The following KAZN variants were observed in gnomAD, a reference collection of about 807,000 sequenced individuals.
The protein encoded by KAZN is kazrin, periplakin interacting protein.
A neutral mutation model predicts 87.4 loss-of-function variants in KAZN; 40 were observed. The observed-to-expected ratio is 0.46, with a 90% confidence interval of 0.36 to 0.60. The LOEUF (loss-of-function observed/expected upper bound fraction) is 0.60, where lower values mean the gene tolerates loss of function less well. KAZN is among the 20% of genes least tolerant of loss of function. KAZN has a pLI of 0.00. For missense variants in KAZN, 898 were observed against 1,073.9 expected, an observed-to-expected ratio of 0.84 and a Z score of 2.29; for synonymous variants, 466 against 458.3, an observed-to-expected ratio of 1.02 and a Z score of -0.22.
intron 2 of KAZN, among the ~76,000 whole-genome samples, chr1:14,325,767 G>A (rs1054615516): frequency 3.9e-5 from 6 of 152,172 alleles, no homozygotes; most frequent in Non-Finnish European, 1.5e-5. Flanking sequence ...GGAAAAATGA[G>A]CAAAGCCTAA....
chr1:14,493,285 T>C (rs771828647), intron 2 of KAZN, among the ~76,000 whole-genome samples: 3 of 152,184 alleles, frequency 2.0e-5, no homozygotes, highest in Admixed American at 1.3e-4. Context: ...CAACACAAAG[T>C]AGATACTCAA....
At chr1:14,536,871 A>G (rs749322816) in intron 2 of KAZN, among the ~76,000 whole-genome samples, 17 of 151,928 alleles carry the variant, frequency 1.1e-4, no homozygotes, top group Non-Finnish European at 2.2e-4. Flanking sequence ...GACACAAGCG[A>G]AACTCCGTCT....
At chr1:14,676,579 A>C (rs978112844) in intron 1 of KAZN, among the ~76,000 whole-genome samples, 1 of 152,230 alleles carries the variant, frequency 6.6e-6, no homozygotes, top group African/African-American at 2.4e-5. Context: ...GGGTAAACAG[A>C]ATGTGGTATA....
chr1:14,570,014 G>T (rs138650572), intron 2 of KAZN, among the ~76,000 whole-genome samples: 12 of 152,138 alleles, frequency 7.9e-5, no homozygotes, highest in African/African-American at 2.4e-4. Flanking sequence ...TTGGGAGGCC[G>T]CGGCAGGAGA....
chr1:14,994,868 G>A (rs1430316053), intron 2 of KAZN, among the ~76,000 whole-genome samples: 3 of 152,254 alleles, frequency 2.0e-5, no homozygotes, highest in African/African-American at 7.2e-5. Flanking sequence ...CAGTTCCTCT[G>A]GAGAGAAGTA....
chr1:14,330,762 G>A (rs1418103220), intron 2 of KAZN, among the ~76,000 whole-genome samples: 1 of 152,064 alleles, frequency 6.6e-6, no homozygotes, highest in Non-Finnish European at 1.5e-5. Context: ...ATGCGTGGGG[G>A]GTTGGTTATA....
intron 2 of KAZN, among the ~76,000 whole-genome samples, chr1:14,307,087 G>A (rs1056518826): frequency 6.6e-6 from 1 of 152,144 alleles, no homozygotes; most frequent in Non-Finnish European, 1.5e-5. Context: ...AGAGTACACA[G>A]AGGGGGATTT....
chr1:14,562,062 T>C (rs2148529538), intron 2 of KAZN, among the ~76,000 whole-genome samples: 1 of 152,234 alleles, frequency 6.6e-6, no homozygotes, highest in South Asian at 2.1e-4. Flanking sequence ...CAGAATTACT[T>C]ACCAGGCAAG....
In KAZN at chr1:14,274,640, G is replaced by C. The variant is rs549822888; in HGVS notation, c.249+94048G>C. ...GGACAAGGCTCTGAAACACTGGTTT[G>C]GTGACTGAAAGTTGACCCTTAGCCA... On this transcript the variant is annotated intron_variant, in intron 2 of 16. Transcript: ENST00000636203. Among the ~76,000 whole-genome samples the C allele has an allele frequency of 5.3e-5, 8 of 152,242 alleles. No homozygotes were observed. The East Asian group carries it at 1.5e-3, about 29-fold the overall frequency.
intron 2 of KAZN, among the ~76,000 whole-genome samples, chr1:14,971,673 TTC>T (rs1394777338): frequency 9.8e-4 from 144 of 146,436 alleles, no homozygotes; most frequent in African/African-American, 3.6e-3. Context: ...TTTTTTTTTT[TTC>T]TTTTTCTTTT....
rs550251781 is a variant in KAZN, at chr1:14,388,124, C to G, written c.249+207532C>G. On this transcript the variant is annotated intron_variant, in intron 2 of 16. Coordinates refer to the KAZN transcript ENST00000636203. The stretch of plus-strand genomic sequence containing the variant: ...TTCTTTGACTAGGAAAGGGAACTCC[C>G]TGATCCCTTGCGCTTCCCGAGTGAG... Among the ~76,000 whole-genome samples the G allele has an allele frequency of 2.7e-3, 418 of 152,304 alleles. 1 individual carries two copies. The highest frequency in any genetic ancestry group is 9.1e-3 in the African/African-American group (377 of 41,536).
chr1:14,921,475 T>C (rs1330645556), intron 1 of KAZN, among the ~76,000 whole-genome samples: 1 of 152,196 alleles, frequency 6.6e-6, no homozygotes, highest in Non-Finnish European at 1.5e-5. Flanking sequence ...TTAGATTTCA[T>C]GTAAAAATCC....
At chr1:14,180,734 G>C (rs959119816) in intron 2 of KAZN, 1 of 631,772 alleles carries the variant, frequency 1.6e-6, no homozygotes, top group South Asian at 2.7e-5. Flanking sequence ...GTTGAGTATT[G>C]GATTTCTGAT....
Position 15,114,580 on chromosome 1 carries a change from G to A in KAZN, c.2273G>A (p.Arg758Lys), listed in dbSNP as rs1641773532. Residue 758 changes from arginine to lysine, a missense_variant, in exon 15 of 15, where the codon AGG (arginine) becomes AAG (lysine). By Grantham distance (26) the Arg-to-Lys change is conservative (BLOSUM62 2). Transcript: ENST00000376030. ...EDCGDDDPQS[R>K]LEQCRLEGYN... ...TGCGGAGACGATGACCCCCAGAGCAGGCTGGAACAGTGCCGTCTGGAAGGC... is the reference window on the plus strand; with the variant it reads ...TGCGGAGACGATGACCCCCAGAGCAAGCTGGAACAGTGCCGTCTGGAAGGC... 6.2e-7 allele frequency: 1 copy of A among 1,604,454 alleles called. No homozygotes were observed. The highest frequency in any genetic ancestry group is 8.5e-7 in the Non-Finnish European group (1 of 1,175,354).
intron 2 of KAZN, among the ~76,000 whole-genome samples, chr1:14,241,711 C>T (rs574793666): frequency 6.6e-6 from 1 of 152,264 alleles, no homozygotes; most frequent in Admixed American, 6.5e-5. Flanking sequence ...CAAAGAGGTA[C>T]TTGAGCAAGA....
At chr1:14,155,959 A>G (rs1645584433) in intron 1 of KAZN, among the ~76,000 whole-genome samples, 1 of 151,910 alleles carries the variant, frequency 6.6e-6, no homozygotes, top group Non-Finnish European at 1.5e-5. Context: ...TTCTCTTTTG[A>G]TGTTGGCACT....
At chr1:14,152,991 T>A (rs1278672467) in intron 1 of KAZN, among the ~76,000 whole-genome samples, 1 of 152,342 alleles carries the variant, frequency 6.6e-6, no homozygotes, top group Non-Finnish European at 1.5e-5. Flanking sequence ...TAAGTTTTTT[T>A]AATTGAGAAA....
chr1:14,695,894 T>C (rs1049217137), intron 1 of KAZN, among the ~76,000 whole-genome samples: 12 of 152,280 alleles, frequency 7.9e-5, no homozygotes, highest in South Asian at 6.2e-4. Flanking sequence ...ACATATGTCT[T>C]GATTTATACA....
chr1:14,561,474 G>A (rs1674248168), intron 2 of KAZN, among the ~76,000 whole-genome samples: 1 of 152,118 alleles, frequency 6.6e-6, no homozygotes, highest in African/African-American at 2.4e-5. Context: ...TCTTACCCCT[G>A]GGCCAATCAG....
Sources: allele counts gnomAD v4.1 joint callset (sites outside exome capture counted in the v4.1 genomes callset), GRCh38; gene constraint gnomAD v4.1.1; transcripts MANE v1.5; gene names NCBI Gene and HGNC (gene_info 2026-07-23, HGNC 2026-07-21).